The following SGSM1 variants were observed in gnomAD, a reference collection of about 807,000 sequenced individuals.
SGSM1 encodes the protein small G protein signaling modulator 1.
A neutral mutation model predicts 133.8 loss-of-function variants in SGSM1; 73 were observed. That is an observed-to-expected ratio of 0.55 (90% CI 0.45 to 0.66). SGSM1 has a LOEUF of 0.66. SGSM1 is among the 30% of genes least tolerant of loss of function. The probability of loss-of-function intolerance (pLI) is 0.00; values close to 1 mark genes in which losing one functional copy is unlikely to be tolerated. For synonymous variants in SGSM1, 563 were observed against 573.0 expected, an observed-to-expected ratio of 0.98 and a Z score of 0.25; for missense variants, 1,213 against 1,448.1, an observed-to-expected ratio of 0.84 and a Z score of 2.64.
chr22:24,868,229 G>T (rs1270224853), intron 10 of SGSM1, 147 bp from the exon 11 acceptor site: 6 of 1,099,052 alleles, frequency 5.5e-6, no homozygotes. Context: ...AACTGCTCCT[G>T]ACCTTTGCCC....
intron 9 of SGSM1, among the ~76,000 whole-genome samples, chr22:24,866,222 T>C (rs2147871061): frequency 6.6e-6 from 1 of 152,346 alleles, no homozygotes; most frequent in East Asian, 1.9e-4. Flanking sequence ...CACTTCTTAA[T>C]GTATCAGCTC....
chr22:24,914,458 A>G lies in SGSM1; in HGVS notation c.2928+1706A>G, dbSNP rs553906563. 6.7e-4 allele frequency among the ~76,000 whole-genome samples: 96 copies of G among 142,584 alleles called. 2 individuals are homozygous for G. In the Middle Eastern group the frequency reaches 0.022, roughly 32 times the overall value. The allele number at this position is 142,584 out of a possible 152,430, so 93.5% of individuals were successfully genotyped here. ...CCCATTGCACACCAACCTGGGTGACAGAGCGAGACTCTGTCCCCCCCCCCA... is the reference window on the plus strand; with the variant it reads ...CCCATTGCACACCAACCTGGGTGACGGAGCGAGACTCTGTCCCCCCCCCCA... On this transcript the variant is annotated intron_variant, in intron 22 of 24. Transcript: ENST00000400358.
At chr22:24,821,329 G>A (rs1437752247) in intron 2 of SGSM1, among the ~76,000 whole-genome samples, 3 of 152,192 alleles carry the variant, frequency 2.0e-5, no homozygotes, top group Non-Finnish European at 4.4e-5. Context: ...GAGCCATCGC[G>A]CCCAGCCTGA....
chr22:24,898,171 C>T lies in SGSM1; in HGVS notation c.2222C>T (p.Ala741Val). Reference sequence around the variant, plus strand: ...AGCACAGAAGACAGTGTCTTGGACGCCCAGCGGAACACCCCCACGGTGCTG... The same window carrying T: ...AGCACAGAAGACAGTGTCTTGGACGTCCAGCGGAACACCCCCACGGTGCTG... ...SLSTEDSVLD[A>V]QRNTPTVLRP... Residue 741 changes from alanine (A) to valine (V), a missense_variant, in exon 19 of 25, where the codon GCC (alanine) becomes GTC (valine). Ala to Val is a moderately conservative substitution (Grantham distance 64, BLOSUM62 0). Transcript: ENST00000400358. 6.2e-7 allele frequency: 1 copy of T among 1,613,990 alleles called. No individual in the cohort carries two copies. The highest frequency in any genetic ancestry group is 8.5e-7 in the Non-Finnish European group (1 of 1,179,888).
chr22:24,839,715 G>A (rs1443573001), intron 2 of SGSM1, among the ~76,000 whole-genome samples: 1 of 151,994 alleles, frequency 6.6e-6, no homozygotes, highest in Non-Finnish European at 1.5e-5. Flanking sequence ...TTTGTATATT[G>A]TGTGTTTCTA....
intron 23 of SGSM1, 150 bp downstream of exon 23, chr22:24,917,904 C>T: frequency 1.6e-6 from 1 of 611,884 alleles, no homozygotes; most frequent in Non-Finnish European, 2.9e-6. Context: ...TACCGTTTCA[C>T]CTGCCTTATC....
At chr22:24,897,154 C>T (rs1219322081) in intron 18 of SGSM1, among the ~76,000 whole-genome samples, 4 of 151,498 alleles carry the variant, frequency 2.6e-5, no homozygotes, top group South Asian at 2.1e-4. Context: ...CCGAGGTGGG[C>T]AGATCACCTG....
At position 24,898,137 on chromosome 22, in the gene SGSM1, C is replaced by G. The variant is rs1282757259; in HGVS notation, c.2188C>G (p.Pro730Ala). ...CTCGGGCCTCTCAGAGCACTCAGAGCCCAGTCTGAGCACAGAAGACAGTGT... is the reference window on the plus strand; with the variant it reads ...CTCGGGCCTCTCAGAGCACTCAGAGGCCAGTCTGAGCACAGAAGACAGTGT... The part of the protein sequence containing the change: ...FSSGLSEHSE[P>A]SLSTEDSVLD... Residue 730 changes from proline to alanine, a missense_variant, in exon 19 of 25, where the codon CCC (proline) becomes GCC (alanine). Pro to Ala is a conservative substitution (Grantham distance 27, BLOSUM62 -1). Coordinates refer to ENST00000400358, the MANE Select transcript of SGSM1 (RefSeq NM_001098497.3). 1.2e-6 allele frequency: 2 copies of G among 1,614,006 alleles called. No individual in the cohort carries two copies. Among genetic ancestry groups the G allele is most frequent in the East Asian group, 2.2e-5 (1 of 44,880 alleles).
intron 20 of SGSM1, 115 bp downstream of exon 20, chr22:24,902,072 C>T (rs1238166561): frequency 9.1e-7 from 1 of 1,099,414 alleles, no homozygotes. Flanking sequence ...ATCATACTCA[C>T]CTGGAATCTT....
At chr22:24,838,552 T>A (rs1402274108) in intron 2 of SGSM1, among the ~76,000 whole-genome samples, 1 of 152,216 alleles carries the variant, frequency 6.6e-6, no homozygotes, top group Non-Finnish European at 1.5e-5. Flanking sequence ...AATACAAGTT[T>A]CAAGCTTTTT....
chr22:24,867,373 G>A (rs1328658823), intron 10 of SGSM1, among the ~76,000 whole-genome samples: 4 of 152,230 alleles, frequency 2.6e-5, no homozygotes, highest in Admixed American at 2.6e-4. Context: ...TGGGGTAGTT[G>A]TGAAGATGAA....
intron 2 of SGSM1, 95 bp downstream of exon 2, chr22:24,806,579 G>C: frequency 2.8e-6 from 4 of 1,409,630 alleles, no homozygotes; most frequent in Non-Finnish European, 3.7e-6. Context: ...TCTGGCGGCG[G>C]GGGGGCGGCC....
At chr22:24,865,375 C>G (rs1169441693) in intron 9 of SGSM1, among the ~76,000 whole-genome samples, 3 of 152,206 alleles carry the variant, frequency 2.0e-5, no homozygotes, top group Non-Finnish European at 4.4e-5. Context: ...ACAGAGGCTG[C>G]TGCCCTTGTG....
At position 24,806,211 on chromosome 22, in the gene SGSM1, A is replaced by C; in HGVS notation, c.-115A>C. The C allele has an allele frequency of 5.8e-6, 7 of 1,207,306 alleles. No homozygotes were observed. Among genetic ancestry groups the C allele is most frequent in the Non-Finnish European group, 6.2e-6 (6 of 966,548 alleles). The allele number at this position is 1,207,306 out of a possible 1,614,324, so 74.8% of individuals were successfully genotyped here. A position where few individuals can be genotyped will look rare whatever the true frequency, so the allele number is the denominator to read the frequency against. On this transcript the variant is annotated 5_prime_UTR_variant, in exon 1 of 25. Transcript: ENST00000400358. Reference sequence around the variant, plus strand: ...TGACGTCGGGCGCCCTCCGGCCGTCACTCAGCGCTCGGCCCCGCCCCGCCG... The same window carrying C: ...TGACGTCGGGCGCCCTCCGGCCGTCCCTCAGCGCTCGGCCCCGCCCCGCCG...
At chr22:24,853,073 C>T (rs1398159778) in intron 5 of SGSM1, among the ~76,000 whole-genome samples, 1 of 152,204 alleles carries the variant, frequency 6.6e-6, no homozygotes, top group East Asian at 1.9e-4. Flanking sequence ...ATCCTTCCAA[C>T]AATCCAGGCA....
At chr22:24,855,946 T>C (rs574828606) in intron 8 of SGSM1, 3 of 637,504 alleles carry the variant, frequency 4.7e-6, no homozygotes, top group Admixed American at 4.2e-5. Context: ...TACATCCATC[T>C]ATCCAACCAT....
At chr22:24,893,753 G>A in intron 17 of SGSM1, 140 bp downstream of exon 17, 1 of 973,590 alleles carries the variant, frequency 1.0e-6, no homozygotes, top group Non-Finnish European at 1.4e-6. Context: ...TTAAGAGTGT[G>A]CGGTGACTTT....
intron 24 of SGSM1, among the ~76,000 whole-genome samples, chr22:24,922,849 T>G (rs1934062458): frequency 6.6e-6 from 1 of 152,158 alleles, no homozygotes; most frequent in Non-Finnish European, 1.5e-5. Flanking sequence ...GATGGGACCC[T>G]GGGTACAGTG....
chr22:24,893,329 T>G (rs759181637), intron 16 of SGSM1, 102 bp from the exon 17 acceptor site: 187 of 1,238,690 alleles, frequency 1.5e-4, no homozygotes, highest in Non-Finnish European at 1.7e-4. Context: ...GTTAACTGCG[T>G]GAATGTTGGA....
Sources: allele counts gnomAD v4.1 joint callset (sites outside exome capture counted in the v4.1 genomes callset), GRCh38; gene constraint gnomAD v4.1.1; transcripts MANE v1.5; gene names NCBI Gene and HGNC (gene_info 2026-07-23, HGNC 2026-07-21).